Variants in TENM3 observed in about 807,000 individuals in gnomAD.
TENM3 encodes the protein teneurin-3.
Under a neutral mutation model 255.1 loss-of-function variants are expected in TENM3, and 63 were observed. The ratio of observed to expected loss-of-function variants is 0.25; its 90% confidence interval spans 0.20 to 0.30. The LOEUF is 0.30. TENM3 is among the 10% of genes least tolerant of loss of function. TENM3 has a pLI of 1.00. For synonymous variants in TENM3, 1,306 were observed against 1,322.3 expected (o/e 0.99, Z 0.27); for missense variants, 2,929 against 3,461.1 (o/e 0.85, Z 3.86).
chr4:182,785,442 T>C (rs1176782107), intron 24 of TENM3, among the ~76,000 whole-genome samples: 4 of 151,962 alleles, frequency 2.6e-5, no homozygotes, highest in South Asian at 4.2e-4. Context: ...ACGCAGTGGT[T>C]TACACCTGTA....
chr4:182,549,106 A>G (rs1741752374), intron 3 of TENM3, among the ~76,000 whole-genome samples: 1 of 152,240 alleles, frequency 6.6e-6, no homozygotes, highest in Admixed American at 6.5e-5. Flanking sequence ...ATATAATTCT[A>G]ATGTGTCCGG....
intron 3 of TENM3, among the ~76,000 whole-genome samples, chr4:182,512,629 G>A (rs76652820): frequency 0.039 from 5,893 of 152,096 alleles, 142 homozygotes; most frequent in South Asian, 0.074. Flanking sequence ...ATATATGAAC[G>A]AAAAGTATTG....
the TENM3 span, among the ~76,000 whole-genome samples, chr4:181,454,252 C>A: frequency 1.3e-5 from 2 of 152,038 alleles, no homozygotes; most frequent in Admixed American, 1.3e-4. Flanking sequence ...TCAAGGTGCC[C>A]CTTATTCTAC....
intron 3 of TENM3, among the ~76,000 whole-genome samples, chr4:182,359,366 G>C (rs1358951812): frequency 7.9e-5 from 12 of 151,030 alleles, no homozygotes; most frequent in Non-Finnish European, 1.2e-4. Flanking sequence ...TTTTTGGTTG[G>C]TAAGCTATTG....
intron 22 of TENM3, among the ~76,000 whole-genome samples, chr4:182,759,122 T>G (rs1162130737): frequency 6.6e-6 from 1 of 152,244 alleles, no homozygotes; most frequent in African/African-American, 2.4e-5. Context: ...TTACATGTTT[T>G]TCTTGGTACA....
intron 1 of TENM3, among the ~76,000 whole-genome samples, chr4:182,196,582 G>T (rs1309483300): frequency 3.9e-5 from 6 of 152,048 alleles, no homozygotes; most frequent in Admixed American, 2.6e-4. Context: ...GCCCTCTCTG[G>T]CTGGAAAGTC....
the TENM3 span, among the ~76,000 whole-genome samples, chr4:181,985,002 G>A: frequency 7.9e-5 from 12 of 152,034 alleles, no homozygotes; most frequent in East Asian, 9.7e-4. Context: ...CAATAGTGAC[G>A]GCTGCTAATG....
At chr4:182,412,004 C>T (rs2151085803) in intron 3 of TENM3, among the ~76,000 whole-genome samples, 1 of 152,190 alleles carries the variant, frequency 6.6e-6, no homozygotes, top group South Asian at 2.1e-4. Flanking sequence ...GAGTTTGCTT[C>T]CTACAGGATG....
the TENM3 span, among the ~76,000 whole-genome samples, chr4:181,814,587 C>CGTGT: frequency 0.36 from 53,324 of 149,342 alleles, 9,755 homozygotes; most frequent in Admixed American, 0.54. Context: ...TTTTTAAATG[C>CGTGT]GTGTGTGTGT....
chr4:182,685,766 A>T (rs1427999601), intron 11 of TENM3, among the ~76,000 whole-genome samples: 17 of 152,062 alleles, frequency 1.1e-4, no homozygotes, highest in Non-Finnish European at 1.5e-5. Flanking sequence ...TGCTTCCTAC[A>T]GTTATCCAAG....
At chr4:182,189,342 A>G (rs1310141244) in intron 1 of TENM3, among the ~76,000 whole-genome samples, 2 of 152,168 alleles carry the variant, frequency 1.3e-5, no homozygotes, top group Non-Finnish European at 2.9e-5. Context: ...TCATACAAAA[A>G]ATATTCTGTG....
chr4:182,789,336 G>T lies in TENM3; in HGVS notation c.5548G>T (p.Val1850Leu). 2 of 1,613,820 alleles carry T rather than the reference G, an allele frequency of 1.2e-6. No individual in the cohort carries two copies. Among genetic ancestry groups the T allele is most frequent in the Non-Finnish European group, 1.7e-6 (2 of 1,179,860 alleles). The change falls in exon 25 of 28, where the codon GTG becomes TTG. Residue 1850 changes from valine (V) to leucine (L), a missense_variant. Val to Leu is a conservative substitution (Grantham distance 32). Coordinates refer to ENST00000511685, the MANE Select transcript of TENM3 (RefSeq NM_001080477.4). The surrounding 1 kb of genome is among the most constrained non-coding windows in gnomAD (Gnocchi z 4.4). ...AGATTATGACGGACAGGGGAGGATC[G>T]TGTCTCGGGTCTTTGCTGATGGTAA... ...KVDYDGQGRI[V>L]SRVFADGKTW... is the part of the protein sequence containing the mutation.
chr4:181,543,794 C>T, the TENM3 span, among the ~76,000 whole-genome samples: 11 of 152,222 alleles, frequency 7.2e-5, no homozygotes, highest in Non-Finnish European at 1.6e-4. Context: ...CTGCTAGCCA[C>T]ATTTTGTTGA....
At chr4:182,378,739 T>A (rs1767358358) in intron 3 of TENM3, among the ~76,000 whole-genome samples, 1 of 152,166 alleles carries the variant, frequency 6.6e-6, no homozygotes, top group Non-Finnish European at 1.5e-5. Context: ...ATTTTGAATT[T>A]TTAAAAGATT....
chr4:182,216,298 G>A (rs1303657335), intron 1 of TENM3, among the ~76,000 whole-genome samples: 1 of 152,210 alleles, frequency 6.6e-6, no homozygotes, highest in Non-Finnish European at 1.5e-5. Flanking sequence ...ATGTGTGAAA[G>A]ATACCTAGGT....
intron 3 of TENM3, among the ~76,000 whole-genome samples, chr4:182,463,563 C>T (rs887045453): frequency 2.0e-5 from 3 of 151,586 alleles, no homozygotes; most frequent in East Asian, 1.9e-4. Flanking sequence ...CTCCACCTCC[C>T]GAGTTCAAGC....
At chr4:182,518,305 G>A (rs947499841) in intron 3 of TENM3, among the ~76,000 whole-genome samples, 3 of 72,716 alleles carry the variant, frequency 4.1e-5, no homozygotes, top group Non-Finnish European at 1.1e-4. Flanking sequence ...TGTATGAATC[G>A]TGACTGTGAG....
chr4:182,116,450 G>A, the TENM3 span, among the ~76,000 whole-genome samples: 1 of 152,068 alleles, frequency 6.6e-6, no homozygotes, highest in African/African-American at 2.4e-5. Flanking sequence ...TTGATCATGG[G>A]GGTGGTTCCC....
chr4:181,829,419 G>A, the TENM3 span, among the ~76,000 whole-genome samples: 4 of 152,188 alleles, frequency 2.6e-5, no homozygotes, highest in African/African-American at 9.7e-5. Flanking sequence ...GGGATGACCT[G>A]CTGTTGACTT....
Sources: gnomAD v4.1 joint callset for allele counts (sites outside exome capture counted in the v4.1 genomes callset) on GRCh38, gnomAD v4.1.1 for gene constraint, Gnocchi (gnomAD v3.1) non-coding constraint, MANE v1.5 for transcripts, NCBI Gene and HGNC (gene_info 2026-07-23, HGNC 2026-07-21) for gene names.